Variants in CNKSR3 observed in about 807,000 individuals in gnomAD.
The protein encoded by CNKSR3 is CNKSR family member 3, also known as connector enhancer of kinase suppressor of ras 3.
Under a neutral mutation model 67.7 loss-of-function variants are expected in CNKSR3, and 36 were observed. The observed-to-expected ratio is 0.53, with a 90% CI of 0.41 to 0.70. The LOEUF (loss-of-function observed/expected upper bound fraction) is 0.70. Among genes scored for constraint, CNKSR3 ranks in the 30% least tolerant of loss-of-function variants. The pLI is 0.00. For synonymous variants in CNKSR3, 281 were observed against 271.4 expected, an observed-to-expected ratio of 1.04 and a Z score of -0.35; for missense variants, 630 against 695.2, an observed-to-expected ratio of 0.91 and a Z score of 1.05.
At chr6:154,443,969 C>T (rs1785656740) in intron 2 of CNKSR3, among the ~76,000 whole-genome samples, 1 of 152,190 alleles carries the variant, frequency 6.6e-6, no homozygotes, top group Admixed American at 6.5e-5. Flanking sequence ...TGAGATAATA[C>T]TGTCCTAGAC....
At chr6:154,454,082 A>AACACACACACACACACACACAC (rs368097129) in intron 1 of CNKSR3, among the ~76,000 whole-genome samples, 4 of 78,230 alleles carry the variant, frequency 5.1e-5, no homozygotes, top group South Asian at 6.0e-4. Context: ...GCAAGATGAA[A>AACACACACACACACACACACAC]ACACACACAC....
chr6:154,440,330 C>A (rs1785555307), intron 4 of CNKSR3, among the ~76,000 whole-genome samples: 1 of 152,150 alleles, frequency 6.6e-6, no homozygotes, highest in South Asian at 2.1e-4. Context: ...TTTGCCAAAT[C>A]AGCAGTAGAA....
chr6:154,417,686 A>G (rs1380181618), intron 9 of CNKSR3, among the ~76,000 whole-genome samples: 2 of 152,202 alleles, frequency 1.3e-5, no homozygotes, highest in African/African-American at 4.8e-5. Flanking sequence ...GGGTGGGCTC[A>G]ATCTGACATG....
chr6:154,456,682 A>G (rs910614839), intron 1 of CNKSR3, among the ~76,000 whole-genome samples: 6 of 129,414 alleles, frequency 4.6e-5, no homozygotes. Flanking sequence ...ACTCCAGCCT[A>G]GGTGACAAGA....
At chr6:154,417,160 C>T (rs1043727853) in intron 9 of CNKSR3, among the ~76,000 whole-genome samples, 4 of 152,154 alleles carry the variant, frequency 2.6e-5, no homozygotes, top group Non-Finnish European at 5.9e-5. Flanking sequence ...ATTTTTGTCA[C>T]CACGCAGGTT....
At chr6:154,475,753 C>T (rs1422414594) in intron 1 of CNKSR3, among the ~76,000 whole-genome samples, 1 of 152,252 alleles carries the variant, frequency 6.6e-6, no homozygotes, top group Non-Finnish European at 1.5e-5. Flanking sequence ...TAGCTCTGCT[C>T]CACTACGTCC....
intron 2 of CNKSR3, among the ~76,000 whole-genome samples, chr6:154,444,649 AGGCTG>A (rs1436825397): frequency 6.9e-6 from 1 of 144,524 alleles, no homozygotes; most frequent in Non-Finnish European, 1.5e-5. Flanking sequence ...CTCTGTCACC[AGGCTG>A]GAGTGCAGTG....
Position 154,475,914 on chromosome 6 carries a change from T to C in CNKSR3, c.53-25656A>G, listed in dbSNP as rs73576832. On this transcript the variant is annotated intron_variant, in intron 1 of 12. Coordinates refer to ENST00000607772, the MANE Select transcript of CNKSR3 (RefSeq NM_173515.4). Reference sequence around the variant, plus strand: ...ACAGTAACACCTCACCTCACACAACTTGGAACCAAAAGGCAAGCCAGGGGA... The same window carrying C: ...ACAGTAACACCTCACCTCACACAACCTGGAACCAAAAGGCAAGCCAGGGGA... Among the ~76,000 whole-genome samples the C allele has an allele frequency of 8.8e-3, 1,332 of 152,164 alleles. 12 individuals are homozygous for C. Among genetic ancestry groups the C allele is most frequent in the Middle Eastern group, 0.031 (9 of 294 alleles).
At position 154,443,290 on chromosome 6, in the gene CNKSR3, C is replaced by T. The variant is rs77383127; in HGVS notation, c.217-1000G>A. ...CTTAATCTAGAACAAGGTTTCTCAA[C>T]CTCAGCCCTACTGACATTTGGGGCC... On this transcript the variant is annotated intron_variant, in intron 2 of 12. Coordinates refer to ENST00000607772, the MANE Select transcript of CNKSR3 (RefSeq NM_173515.4). Among the ~76,000 whole-genome samples the T allele has an allele frequency of 7.0e-3, 1,065 of 152,292 alleles. 7 individuals carry two copies. Among genetic ancestry groups the T allele is most frequent in the Non-Finnish European group, 0.01 (685 of 68,030 alleles).
rs35802478 is a variant in CNKSR3 at position 154,441,363 on chromosome 6, T to C, written c.436A>G (p.Ile146Val). ...TTCTTCGTGACTGAGAAATCAGTGA[T>C]CCCTGTAAACGGAGCCCTAGAAGGT... ...AWLDRAPFTG[I>V]TDFSVTKNKI... is the part of the protein sequence containing the mutation. Residue 146 changes from isoleucine (I) to valine (V), a missense_variant, in exon 4 of 13, where the codon ATC (isoleucine) becomes GTC (valine). By Grantham distance (29) the Ile-to-Val change is conservative (BLOSUM62 3). Around this residue, in one of 3 missense-constraint regions of CNKSR3, gnomAD observed 189 missense variants for 205.0 expected, o/e 0.92. Transcript: ENST00000607772. 4.3e-5 allele frequency: 69 copies of C among 1,613,660 alleles called. No individual in the cohort carries two copies. In the African/African-American group the frequency reaches 7.5e-4, roughly 17 times the overall value.
chr6:154,403,525 G>A lies in CNKSR3; in HGVS notation c.*2829C>T, dbSNP rs569749752. ...CAATTAAACCTGGATTACTACTGAGGCAAGCAGTTTCCATTAATTTCTAAG... is the reference window on the plus strand; with the variant it reads ...CAATTAAACCTGGATTACTACTGAGACAAGCAGTTTCCATTAATTTCTAAG... On this transcript the variant is annotated 3_prime_UTR_variant, in exon 13 of 13. Coordinates refer to ENST00000607772, the MANE Select transcript of CNKSR3 (RefSeq NM_173515.4). The A allele has an allele frequency of 3.6e-4, 55 of 151,994 alleles. No individual in the cohort carries two copies. Among genetic ancestry groups the A allele is most frequent in the African/African-American group, 1.1e-3 (47 of 41,478 alleles). 9.4% of individuals were successfully genotyped at this position (151,994 alleles called of 1,614,324 possible).
intron 4 of CNKSR3, 99 bp downstream of exon 4, chr6:154,441,193 A>C (rs1785573097): frequency 1.3e-6 from 1 of 746,718 alleles, no homozygotes; most frequent in Admixed American, 2.5e-5. Context: ...TGGGGAGAGG[A>C]GAGTAGTACT....
chr6:154,442,073 A>C lies in CNKSR3; in HGVS notation c.419+15T>G, dbSNP rs763177672. The C allele has an allele frequency of 1.3e-6, 2 of 1,587,526 alleles. No individual in the cohort carries two copies. The highest frequency in any genetic ancestry group is 1.7e-6 in the Non-Finnish European group (2 of 1,163,880). Reference sequence around the variant, plus strand: ...CTACTCTTGCAGGGCAGTAAAAGGCACATCTCCAACTTACCGGTCCAGCCA... The same window carrying C: ...CTACTCTTGCAGGGCAGTAAAAGGCCCATCTCCAACTTACCGGTCCAGCCA... On this transcript the variant is annotated intron_variant, in intron 3 of 12. Transcript: ENST00000607772.
At chr6:154,476,774 T>C (rs896144790) in intron 1 of CNKSR3, among the ~76,000 whole-genome samples, 9 of 152,312 alleles carry the variant, frequency 5.9e-5, no homozygotes, top group Admixed American at 2.0e-4. Flanking sequence ...AATCATTAAC[T>C]CAGGTTGAAT....
chr6:154,460,846 A>G (rs758821869), intron 1 of CNKSR3, among the ~76,000 whole-genome samples: 2 of 152,060 alleles, frequency 1.3e-5, no homozygotes, highest in South Asian at 2.1e-4. Context: ...GGGAGAACCA[A>G]CTCGGCACAG....
At chr6:154,507,322 AGG>A (rs1438744029) in intron 1 of CNKSR3, among the ~76,000 whole-genome samples, 1 of 152,262 alleles carries the variant, frequency 6.6e-6, no homozygotes, top group Non-Finnish European at 1.5e-5. Flanking sequence ...GACTGTGGCC[AGG>A]TTTAGACAGT....
At position 154,508,591 on chromosome 6, in the gene CNKSR3, C is replaced by T. The variant is rs147766351; in HGVS notation, c.52+1472G>A. Reference sequence around the variant, plus strand: ...CAGCATCTTGAATGGAGGAACACACCTCATTTCAAGCTAGCGTGGGCATGG... The same window carrying T: ...CAGCATCTTGAATGGAGGAACACACTTCATTTCAAGCTAGCGTGGGCATGG... On this transcript the variant is annotated intron_variant, in intron 1 of 12. Transcript: ENST00000607772. 1.6e-3 allele frequency among the ~76,000 whole-genome samples: 240 copies of T among 152,308 alleles called. 5 individuals are homozygous for T. The highest frequency in any genetic ancestry group is 5.5e-3 in the African/African-American group (227 of 41,574).
rs530697247 is a variant in CNKSR3, at chr6:154,495,343, C to T, written c.52+14720G>A. 2.7e-5 allele frequency among the ~76,000 whole-genome samples: 4 copies of T among 150,528 alleles called. No individual in the cohort carries two copies. The East Asian group carries it at 7.7e-4, about 29-fold the overall frequency. Reference sequence around the variant, plus strand: ...CTTAAACCCACATAGCAGCTCCTTCCCAGAATTCAACACTTTTTTTTTTTT... The same window carrying T: ...CTTAAACCCACATAGCAGCTCCTTCTCAGAATTCAACACTTTTTTTTTTTT... On this transcript the variant is annotated intron_variant, in intron 1 of 12. Coordinates refer to ENST00000607772, the MANE Select transcript of CNKSR3 (RefSeq NM_173515.4).
In CNKSR3 at chr6:154,433,522, G is replaced by A. The variant is rs1224523442; in HGVS notation, c.508-15C>T. 1.3e-6 allele frequency: 2 copies of A among 1,576,334 alleles called. No homozygotes were observed. The highest frequency in any genetic ancestry group is 1.7e-6 in the Non-Finnish European group (2 of 1,152,814). On this transcript the variant is annotated splice_polypyrimidine_tract_variant and intron_variant, in intron 4 of 12. Transcript: ENST00000607772. The stretch of plus-strand genomic sequence containing the variant: ...ACAAAGCAATCCTAAAGAAGGGGAT[G>A]GAGAAAATGAATACTAAGTACAAGA...
Sources: allele counts gnomAD v4.1 joint callset (sites outside exome capture counted in the v4.1 genomes callset), GRCh38; gene constraint gnomAD v4.1.1; regional missense constraint gnomAD v4.1.1; transcripts MANE v1.5; gene names NCBI Gene and HGNC (gene_info 2026-07-23, HGNC 2026-07-21).